The following NCK1 variants were observed in gnomAD, a reference collection of about 807,000 sequenced individuals.
NCK1 encodes NCK adaptor protein 1, also known as SH2/SH3 adapter protein NCK1.
A neutral mutation model predicts 36.6 loss-of-function variants in NCK1; 19 were observed. The observed-to-expected ratio is 0.52, with a 90% CI of 0.36 to 0.76. The LOEUF (loss-of-function observed/expected upper bound fraction) is 0.76. Among genes scored for constraint, NCK1 ranks in the 30% least tolerant of loss-of-function variants. The pLI is 0.00. For synonymous variants in NCK1, 165 were observed against 156.0 expected (o/e 1.06, Z -0.43); for missense variants, 358 against 445.6 (o/e 0.80, Z 1.77).
intron 1 of NCK1, chr3:136,899,036 CTTT>C (rs759399063): frequency 1.5e-4 from 26 of 170,262 alleles, no homozygotes; most frequent in Non-Finnish European, 3.3e-4. Context: ...AGCTGTGCTT[CTTT>C]CAGCCAAACA....
At chr3:136,885,131 T>G (rs765224549) in intron 1 of NCK1, among the ~76,000 whole-genome samples, 2 of 152,214 alleles carry the variant, frequency 1.3e-5, no homozygotes, top group Non-Finnish European at 2.9e-5. Flanking sequence ...CCGAAATATT[T>G]ACAGACAAAA....
intron 1 of NCK1, among the ~76,000 whole-genome samples, chr3:136,870,640 G>A (rs1576940655): frequency 1.4e-5 from 2 of 147,556 alleles, no homozygotes; most frequent in South Asian, 2.1e-4. Context: ...GCTGCCCAAG[G>A]AAATCAGTTA....
At chr3:136,940,464 T>C (rs1940642536) in intron 2 of NCK1, among the ~76,000 whole-genome samples, 1 of 152,222 alleles carries the variant, frequency 6.6e-6, no homozygotes, top group Non-Finnish European at 1.5e-5. Flanking sequence ...GGTATGCATA[T>C]ATTTGTAACT....
At chr3:136,863,799 G>C (rs1576933616) in intron 1 of NCK1, among the ~76,000 whole-genome samples, 1 of 152,026 alleles carries the variant, frequency 6.6e-6, no homozygotes, top group Non-Finnish European at 1.5e-5. Context: ...TACGTGTAAT[G>C]TTTTGTTCGA....
chr3:136,901,528 G>T (rs1482744141), intron 1 of NCK1, among the ~76,000 whole-genome samples: 1 of 151,892 alleles, frequency 6.6e-6, no homozygotes, highest in African/African-American at 2.4e-5. Flanking sequence ...TTTGTTGGGA[G>T]ACTTTATTAC....
At chr3:136,934,322 G>T (rs1940468741) in intron 2 of NCK1, among the ~76,000 whole-genome samples, 1 of 151,934 alleles carries the variant, frequency 6.6e-6, no homozygotes, top group South Asian at 2.1e-4. Flanking sequence ...GTCTCACTCT[G>T]TTGCCCAGGT....
chr3:136,868,213 G>A (rs189370253), intron 1 of NCK1, among the ~76,000 whole-genome samples: 1 of 152,224 alleles, frequency 6.6e-6, no homozygotes, highest in Admixed American at 6.5e-5. Flanking sequence ...ACCATGCCCA[G>A]CCTTACATTG....
chr3:136,896,210 G>C (rs745976194), intron 1 of NCK1, among the ~76,000 whole-genome samples: 1 of 152,078 alleles, frequency 6.6e-6, no homozygotes, highest in South Asian at 2.1e-4. Context: ...ACCTTAGTCT[G>C]CTATAGAATA....
At chr3:136,896,549 G>GTTTTT (rs1336598609) in intron 1 of NCK1, among the ~76,000 whole-genome samples, 3 of 152,084 alleles carry the variant, frequency 2.0e-5, no homozygotes. Context: ...GTTTTGTTTT[G>GTTTTT]TTTTTAAAGG....
chr3:136,906,687 T>C (rs1183097265), intron 1 of NCK1, among the ~76,000 whole-genome samples: 2 of 152,162 alleles, frequency 1.3e-5, no homozygotes, highest in Non-Finnish European at 2.9e-5. Context: ...GGATAACCTT[T>C]AGGACCCAAG....
intron 1 of NCK1, among the ~76,000 whole-genome samples, chr3:136,882,597 G>A (rs1309025127): frequency 2.7e-5 from 4 of 149,540 alleles, no homozygotes; most frequent in Non-Finnish European, 4.5e-5. Flanking sequence ...GTGTTGAGGG[G>A]CACCTTTGCT....
intron 1 of NCK1, among the ~76,000 whole-genome samples, chr3:136,896,152 T>A (rs1939385801): frequency 6.6e-6 from 1 of 152,210 alleles, no homozygotes; most frequent in Admixed American, 6.5e-5. Flanking sequence ...ACATTTAAAG[T>A]CCTCTCTTCT....
intron 1 of NCK1, among the ~76,000 whole-genome samples, chr3:136,919,631 C>A (rs1940053916): frequency 6.6e-6 from 1 of 152,146 alleles, no homozygotes; most frequent in Non-Finnish European, 1.5e-5. Context: ...AAAACATGTT[C>A]TTTCCCAAAC....
At position 136,877,693 on chromosome 3, in the gene NCK1, A is replaced by G. The variant is rs145301847; in HGVS notation, c.-19+15340A>G. Among the ~76,000 whole-genome samples, 21 of 152,298 alleles carry G rather than the reference A, an allele frequency of 1.4e-4. No individual in the cohort carries two copies. The East Asian group carries it at 4.0e-3, about 29-fold the overall frequency. On this transcript the variant is annotated intron_variant, in intron 1 of 3. Coordinates refer to ENST00000481752, the MANE Select transcript of NCK1 (RefSeq NM_001291999.2). ...AAAGACGGCAACAATAAAATCTGGA[A>G]ACTGGAAAGCGAGTGAACTGATGGG... is the stretch of plus-strand genomic sequence containing the variant.
At chr3:136,879,263 C>A (rs1490981924) in intron 1 of NCK1, among the ~76,000 whole-genome samples, 2 of 151,808 alleles carry the variant, frequency 1.3e-5, no homozygotes, top group African/African-American at 4.8e-5. Flanking sequence ...AGGTCAACTT[C>A]CAAATAACAG....
chr3:136,868,839 T>C (rs538177116), intron 1 of NCK1, among the ~76,000 whole-genome samples: 1 of 152,196 alleles, frequency 6.6e-6, no homozygotes, highest in South Asian at 2.1e-4. Context: ...ATGTTCTTTT[T>C]CTCTTTTGAG....
chr3:136,906,785 G>A (rs1370274490), intron 1 of NCK1, among the ~76,000 whole-genome samples: 1 of 152,166 alleles, frequency 6.6e-6, no homozygotes, highest in Non-Finnish European at 1.5e-5. Context: ...TTAGTTGCCA[G>A]CTGTGGTGGT....
intron 1 of NCK1, among the ~76,000 whole-genome samples, chr3:136,915,151 C>T (rs1035894419): frequency 6.6e-6 from 1 of 152,258 alleles, no homozygotes; most frequent in African/African-American, 2.4e-5. Flanking sequence ...TTTGTAGCAA[C>T]ACAGACAGAC....
At chr3:136,939,933 C>T (rs901762112) in intron 2 of NCK1, among the ~76,000 whole-genome samples, 5 of 148,218 alleles carry the variant, frequency 3.4e-5, no homozygotes. Flanking sequence ...TCACTGTAGC[C>T]TTTGAACTCC....
Sources: allele counts gnomAD v4.1 joint callset (sites outside exome capture counted in the v4.1 genomes callset), GRCh38; gene constraint gnomAD v4.1.1; transcripts MANE v1.5; gene names NCBI Gene and HGNC (gene_info 2026-07-23, HGNC 2026-07-21).